Variants in DYDC1 observed in about 807,000 individuals in gnomAD.
DYDC1 encodes the protein DPY30 domain containing 1.
A neutral mutation model predicts 27.9 loss-of-function variants in DYDC1; 21 were observed. The observed-to-expected ratio is 0.75, with a 90% CI of 0.53 to 1.08. DYDC1 has a LOEUF of 1.08. Ranked by LOEUF, DYDC1 falls within the 50% of genes least tolerant of loss-of-function variation. The pLI is 0.00. For missense variants in DYDC1, 202 were observed against 205.9 expected (o/e 0.98, Z 0.12); for synonymous variants, 67 against 65.8 (o/e 1.02, Z -0.09).
intron 3 of DYDC1, among the ~76,000 whole-genome samples, chr10:80,346,723 G>GTGC (rs1237126860): frequency 6.6e-6 from 1 of 151,580 alleles, no homozygotes; most frequent in African/African-American, 2.4e-5. Flanking sequence ...GCCTCCCGAA[G>GTGC]TGCTGGGATT....
intron 1 of DYDC1, among the ~76,000 whole-genome samples, chr10:80,354,187 A>G (rs1843202067): frequency 6.6e-6 from 1 of 150,980 alleles, no homozygotes; most frequent in Admixed American, 6.6e-5. Flanking sequence ...ATTGTTAAAC[A>G]AATGTATAAT....
intron 1 of DYDC1, among the ~76,000 whole-genome samples, chr10:80,354,706 G>A (rs1843250905): frequency 6.6e-6 from 1 of 151,920 alleles, no homozygotes; most frequent in Admixed American, 6.6e-5. Flanking sequence ...AAAAGAGATG[G>A]GAGAGCGTGC....
intron 3 of DYDC1, among the ~76,000 whole-genome samples, chr10:80,350,071 T>A (rs551420431): frequency 2.0e-5 from 3 of 152,204 alleles, no homozygotes; most frequent in East Asian, 1.9e-4. Flanking sequence ...TCAGCCACAC[T>A]CTCTCAAGCC....
chr10:80,351,225 C>G (rs1031772850), intron 3 of DYDC1, among the ~76,000 whole-genome samples: 2 of 152,072 alleles, frequency 1.3e-5, no homozygotes, highest in Admixed American at 1.3e-4. Context: ...GTGCTTCCAC[C>G]AACACCATTC....
intron 6 of DYDC1, 66 bp downstream of exon 6, chr10:80,338,401 C>T (rs1589496575): frequency 3.8e-6 from 6 of 1,590,776 alleles, no homozygotes; most frequent in Non-Finnish European, 5.1e-6. Flanking sequence ...CTAGGCTTTA[C>T]CTAAGTAAAA....
intron 3 of DYDC1, chr10:80,344,762 A>C (rs1468039645): frequency 6.1e-6 from 2 of 326,730 alleles, no homozygotes. Flanking sequence ...ACCATGTAAG[A>C]AGTGCCTTTC....
intron 3 of DYDC1, among the ~76,000 whole-genome samples, chr10:80,348,096 T>C (rs1842777032): frequency 6.6e-6 from 1 of 152,212 alleles, no homozygotes; most frequent in Admixed American, 6.5e-5. Flanking sequence ...ACACAAGATA[T>C]CTTTCCATTT....
At chr10:80,340,056 A>G (rs1002331358) in intron 4 of DYDC1, among the ~76,000 whole-genome samples, 1 of 152,198 alleles carries the variant, frequency 6.6e-6, no homozygotes. Context: ...AGAAGCCACA[A>G]CATTCTAAGC....
chr10:80,355,252 T>G (rs1843291224), intron 1 of DYDC1, among the ~76,000 whole-genome samples: 1 of 151,862 alleles, frequency 6.6e-6, no homozygotes, highest in African/African-American at 2.4e-5. Context: ...GCATTTTGCA[T>G]AAAATTTCAG....
chr10:80,338,864 G>T lies in DYDC1; in HGVS notation c.399+233C>A, dbSNP rs948286109. Among the ~76,000 whole-genome samples the T allele has an allele frequency of 3.9e-5, 6 of 152,200 alleles. No homozygotes were observed. The East Asian group carries it at 1.2e-3, about 29-fold the overall frequency. On this transcript the variant is annotated intron_variant, in intron 5 of 6. Coordinates refer to ENST00000372202, the MANE Select transcript of DYDC1 (RefSeq NM_001269053.2). ...GGTAAATAGCTTCAATATCTCAAGA[G>T]AGCCTAGTTTTTAAAAATCCAAACA...
chr10:80,338,312 C>T (rs1842202408), intron 6 of DYDC1, 155 bp downstream of exon 6: 2 of 1,368,256 alleles, frequency 1.5e-6, no homozygotes, highest in South Asian at 3.8e-5. Context: ...GGAATATAAT[C>T]CGCAACCAGG....
At chr10:80,337,285 A>G (rs565427835) in intron 6 of DYDC1, 5 of 985,472 alleles carry the variant, frequency 5.1e-6, no homozygotes, top group East Asian at 2.3e-4. Flanking sequence ...AGCCCAATCC[A>G]TTTTGTTCAT....
chr10:80,337,921 T>C (rs1220473358), intron 6 of DYDC1: 1 of 278,064 alleles, frequency 3.6e-6, no homozygotes, highest in African/African-American at 2.3e-5. Flanking sequence ...GGACAATAAA[T>C]TATGTGGTCC....
rs749167630 is a variant in DYDC1 at position 80,337,266 on chromosome 10, A to G, written c.505-1081T>C. 3.3e-4 allele frequency: 322 copies of G among 985,338 alleles called. 2 individuals carry two copies. Among genetic ancestry groups the G allele is most frequent in the Non-Finnish European group, 3.7e-4 (310 of 829,930 alleles). The allele number at this position is 985,338 out of a possible 1,614,324, so 61.0% of individuals were successfully genotyped here. On this transcript the variant is annotated intron_variant, in intron 6 of 6. Transcript: ENST00000372202. ...GCTTCCCCATTGGCCCACGGCCCCC[A>G]AGGGCAGAAGCCCAATCCATTTTGT... is the stretch of plus-strand genomic sequence containing the variant.
intron 1 of DYDC1, 67 bp downstream of exon 1, chr10:80,356,645 C>T (rs1164571791): frequency 1.0e-6 from 1 of 984,860 alleles, no homozygotes; most frequent in Admixed American, 6.1e-5. Context: ...CCGCCTCTGC[C>T]CGCCGGACCC....
intron 6 of DYDC1, chr10:80,337,579 G>A: frequency 2.7e-6 from 1 of 373,462 alleles, no homozygotes; most frequent in Non-Finnish European, 3.7e-6. Flanking sequence ...CTAAGCCTCT[G>A]AACAGAAATG....
At chr10:80,338,416 TCAAAAACAAAAA>T in intron 6 of DYDC1, 39 bp downstream of exon 6, 1 of 1,603,496 alleles carries the variant, frequency 6.2e-7, no homozygotes, top group Non-Finnish European at 8.5e-7. Flanking sequence ...GTAAAAAAAA[TCAAAAACAAAAA>T]CAAAAACGAG....
At position 80,352,005 on chromosome 10, in the gene DYDC1, A is replaced by G; in HGVS notation, c.148-3T>C. 1.9e-6 allele frequency: 3 copies of G among 1,613,600 alleles called. No individual in the cohort carries two copies. The highest frequency in any genetic ancestry group is 1.1e-5 in the South Asian group (1 of 91,000). On this transcript the variant is annotated splice_region_variant and splice_polypyrimidine_tract_variant and intron_variant, in intron 2 of 6. Transcript: ENST00000372202. ...AGCTTGGCCATTTCCTTTTGTCTCT[A>G]GCATTGTTTAAAAACAACAGCACAC... is the stretch of plus-strand genomic sequence containing the variant.
intron 3 of DYDC1, among the ~76,000 whole-genome samples, chr10:80,344,411 T>C (rs1410169823): frequency 6.6e-6 from 1 of 152,230 alleles, no homozygotes; most frequent in Admixed American, 6.5e-5. Flanking sequence ...GGCACATGAT[T>C]CTGAGTGGCT....
Sources: gnomAD v4.1 joint callset for allele counts (sites outside exome capture counted in the v4.1 genomes callset) on GRCh38, gnomAD v4.1.1 for gene constraint, MANE v1.5 for transcripts, NCBI Gene and HGNC (gene_info 2026-07-23, HGNC 2026-07-21) for gene names.